The following ANO4 variants were observed in gnomAD, a reference collection of about 807,000 sequenced individuals.
The protein encoded by ANO4 is anoctamin 4.
ANO4 carries 69 observed loss-of-function variants against 141.9 expected under a neutral mutation model. The observed-to-expected ratio is 0.49, with a 90% CI of 0.40 to 0.59. The LOEUF (loss-of-function observed/expected upper bound fraction) is 0.59, where lower values mean the gene tolerates loss of function less well. ANO4 is among the 20% of genes least tolerant of loss of function. The pLI is 0.00. For missense variants in ANO4, 894 were observed against 1,162.2 expected (o/e 0.77, Z 3.36); for synonymous variants, 350 against 394.3 (o/e 0.89, Z 1.33).
intron 3 of ANO4, among the ~76,000 whole-genome samples, chr12:100,755,055 C>G (rs562703975): frequency 6.6e-6 from 1 of 152,252 alleles, no homozygotes; most frequent in African/African-American, 2.4e-5. Context: ...CATTTTATCA[C>G]AATAAAATAA....
rs543795681 is a variant in ANO4 at position 101,104,591 on chromosome 12, A to G, written c.2149+4871A>G. 3.0e-3 allele frequency among the ~76,000 whole-genome samples: 346 copies of G among 114,408 alleles called. 3 individuals carry two copies. The highest frequency in any genetic ancestry group is 0.013 in the African/African-American group (332 of 26,438). 75.1% of individuals were successfully genotyped at this position (114,408 alleles called of 152,430 possible). ...TTATTTCAGGCTTTTGATAATATATATATGTGTGTGTGTGTGTGTGTGTGT... is the reference window on the plus strand; with the variant it reads ...TTATTTCAGGCTTTTGATAATATATGTATGTGTGTGTGTGTGTGTGTGTGT... On this transcript the variant is annotated intron_variant, in intron 22 of 27. Coordinates refer to ENST00000392977, the MANE Select transcript of ANO4 (RefSeq NM_001286615.2).
chr12:100,925,954 G>T (rs770589816), intron 3 of ANO4, among the ~76,000 whole-genome samples: 4 of 151,742 alleles, frequency 2.6e-5, no homozygotes, highest in Non-Finnish European at 5.9e-5. Flanking sequence ...TCTGGGGTAG[G>T]CTGGCCATGA....
chr12:100,798,192 T>A (rs2034453871), intron 1 of ANO4, among the ~76,000 whole-genome samples: 1 of 152,320 alleles, frequency 6.6e-6, no homozygotes, highest in East Asian at 1.9e-4. Context: ...ATCATTTGAT[T>A]ATGTGATACA....
At chr12:101,106,548 T>C (rs1285055030) in intron 22 of ANO4, among the ~76,000 whole-genome samples, 1 of 144,672 alleles carries the variant, frequency 6.9e-6, no homozygotes, top group African/African-American at 2.6e-5. Flanking sequence ...TTTATTGATA[T>C]ATGGATATTC....
intron 15 of ANO4, among the ~76,000 whole-genome samples, chr12:101,080,891 A>G (rs1251275019): frequency 7.3e-6 from 1 of 136,532 alleles, no homozygotes; most frequent in Non-Finnish European, 1.6e-5. Context: ...TATTATATAT[A>G]TATATATATA....
At position 100,886,712 on chromosome 12, in the gene ANO4, T is replaced by G. The variant is rs569778694; in HGVS notation, c.-140-14934T>G. Among the ~76,000 whole-genome samples the G allele has an allele frequency of 5.3e-5, 8 of 152,358 alleles. No individual in the cohort carries two copies. In the East Asian group the frequency reaches 1.5e-3, roughly 29 times the overall value. On this transcript the variant is annotated intron_variant, in intron 1 of 27. Transcript: ENST00000392977. ...GAACTCAGTCACACTCATTCGTTTATGTATTGTCTGTGGCTGCTTTTGGGT... is the reference window on the plus strand; with the variant it reads ...GAACTCAGTCACACTCATTCGTTTAGGTATTGTCTGTGGCTGCTTTTGGGT...
At chr12:100,836,097 T>C (rs1475611535) in intron 1 of ANO4, among the ~76,000 whole-genome samples, 1 of 152,182 alleles carries the variant, frequency 6.6e-6, no homozygotes, top group Admixed American at 6.5e-5. Flanking sequence ...GCTAAACTAA[T>C]ATTTATTAGT....
intron 8 of ANO4, among the ~76,000 whole-genome samples, chr12:101,004,411 T>C (rs2045786858): frequency 6.6e-6 from 1 of 152,042 alleles, no homozygotes; most frequent in Non-Finnish European, 1.5e-5. Context: ...GCTTTTCAGC[T>C]GGAAACTGGA....
intron 7 of ANO4, among the ~76,000 whole-genome samples, chr12:100,977,597 C>T (rs149999056): frequency 0.01 from 1,556 of 152,230 alleles, 37 homozygotes; most frequent in African/African-American, 0.036. Flanking sequence ...TCAAATTCTG[C>T]GGGTGCAGAT....
intron 1 of ANO4, among the ~76,000 whole-genome samples, chr12:100,893,389 C>A (rs1279064614): frequency 1.3e-5 from 2 of 151,960 alleles, no homozygotes; most frequent in Non-Finnish European, 2.9e-5. Context: ...GGTTCACACC[C>A]AGAAACATTT....
intron 3 of ANO4, among the ~76,000 whole-genome samples, chr12:100,774,591 A>C (rs1027443294): frequency 6.6e-6 from 1 of 152,230 alleles, no homozygotes; most frequent in African/African-American, 2.4e-5. Context: ...AGCACACATC[A>C]TTCTTTAGTT....
chr12:101,076,014 C>G (rs569655863), intron 14 of ANO4, among the ~76,000 whole-genome samples: 1 of 152,202 alleles, frequency 6.6e-6, no homozygotes, highest in Non-Finnish European at 1.5e-5. Context: ...CCCAAACATA[C>G]CGACAAGGGA....
intron 6 of ANO4, among the ~76,000 whole-genome samples, chr12:100,971,851 T>C (rs545471067): frequency 3.7e-4 from 52 of 140,304 alleles, no homozygotes; most frequent in Non-Finnish European, 7.3e-4. Flanking sequence ...TGTGATCTTC[T>C]TTTTAAAAAA....
chr12:100,945,760 G>A (rs1057284545), intron 5 of ANO4, among the ~76,000 whole-genome samples: 6 of 152,162 alleles, frequency 3.9e-5, no homozygotes, highest in African/African-American at 1.4e-4. Flanking sequence ...CATTGGGGAA[G>A]ACCTTTATCA....
chr12:100,731,783 A>G (rs1304074408), intron 1 of ANO4, among the ~76,000 whole-genome samples: 1 of 152,152 alleles, frequency 6.6e-6, no homozygotes, highest in East Asian at 1.9e-4. Flanking sequence ...TTAACTTAGT[A>G]TTATGCATTT....
chr12:100,927,180 C>T (rs1471091859), intron 3 of ANO4, among the ~76,000 whole-genome samples: 1 of 152,096 alleles, frequency 6.6e-6, no homozygotes, highest in Non-Finnish European at 1.5e-5. Flanking sequence ...CTGCTCTTTA[C>T]AAAACTCCTA....
chr12:100,955,993 T>C (rs1441819718), intron 5 of ANO4, among the ~76,000 whole-genome samples: 2 of 152,212 alleles, frequency 1.3e-5, no homozygotes, highest in Admixed American at 1.3e-4. Flanking sequence ...TCATGTCATC[T>C]TGACTTTCAC....
At chr12:101,085,693 G>T (rs930428248) in intron 16 of ANO4, among the ~76,000 whole-genome samples, 2 of 152,138 alleles carry the variant, frequency 1.3e-5, no homozygotes, top group Non-Finnish European at 1.5e-5. Flanking sequence ...GTTCTCAAAT[G>T]CCATGAAATC....
At chr12:100,813,226 A>G (rs1357719284) in intron 1 of ANO4, among the ~76,000 whole-genome samples, 1 of 152,136 alleles carries the variant, frequency 6.6e-6, no homozygotes, top group African/African-American at 2.4e-5. Flanking sequence ...CAGGGGAAGC[A>G]TGGGAGAACC....
Sources: gnomAD v4.1 joint callset for allele counts (sites outside exome capture counted in the v4.1 genomes callset) on GRCh38, gnomAD v4.1.1 for gene constraint, MANE v1.5 for transcripts, NCBI Gene and HGNC (gene_info 2026-07-23, HGNC 2026-07-21) for gene names.